The following DTNA variants were observed in gnomAD, a reference collection of about 807,000 sequenced individuals.
The protein encoded by DTNA is dystrobrevin alpha.
DTNA carries 43 observed loss-of-function variants against 100.7 expected under a neutral mutation model. The observed-to-expected ratio is 0.43, with a 90% CI of 0.33 to 0.55. The LOEUF (loss-of-function observed/expected upper bound fraction) is 0.55, where lower values mean the gene tolerates loss of function less well. Ranked by LOEUF, DTNA falls within the 20% of genes least tolerant of loss-of-function variation. DTNA has a pLI of 0.04. For missense variants in DTNA, 798 were observed against 953.9 expected, an observed-to-expected ratio of 0.84 and a Z score of 2.15; for synonymous variants, 349 against 347.9, an observed-to-expected ratio of 1.00 and a Z score of -0.04.
intron 1 of DTNA, among the ~76,000 whole-genome samples, chr18:34,559,522 C>T (rs944125343): frequency 2.0e-5 from 3 of 152,142 alleles, no homozygotes; most frequent in South Asian, 2.1e-4. Context: ...TCTAATACTA[C>T]GAAGAGAACA....
intron 1 of DTNA, among the ~76,000 whole-genome samples, chr18:34,583,754 C>T (rs897449253): frequency 2.0e-5 from 3 of 152,058 alleles, no homozygotes; most frequent in Admixed American, 1.3e-4. Flanking sequence ...GGATTGCTGA[C>T]GCTAAGGGAC....
At chr18:34,620,192 T>C (rs1353628966) in intron 1 of DTNA, among the ~76,000 whole-genome samples, 2 of 152,022 alleles carry the variant, frequency 1.3e-5, no homozygotes, top group East Asian at 1.9e-4. Context: ...GGGTAAAAGG[T>C]GAAAGGGAGA....
chr18:34,671,441 C>T (rs2076745758), intron 1 of DTNA, among the ~76,000 whole-genome samples: 1 of 152,144 alleles, frequency 6.6e-6, no homozygotes, highest in Non-Finnish European at 1.5e-5. Context: ...GAACCCGGTA[C>T]CTCATTTGGA....
At chr18:34,762,727 C>A (rs2093256559) in intron 2 of DTNA, among the ~76,000 whole-genome samples, 1 of 152,176 alleles carries the variant, frequency 6.6e-6, no homozygotes, top group Non-Finnish European at 1.5e-5. Flanking sequence ...CTATATCTGA[C>A]ACACTAAATT....
intron 10 of DTNA, among the ~76,000 whole-genome samples, chr18:34,828,477 C>T (rs981318801): frequency 2.6e-5 from 4 of 152,170 alleles, no homozygotes; most frequent in Non-Finnish European, 5.9e-5. Flanking sequence ...AGTACAGCCT[C>T]ATATTTCACA....
chr18:34,776,931 C>A (rs2094087394), intron 3 of DTNA, among the ~76,000 whole-genome samples: 2 of 152,220 alleles, frequency 1.3e-5, no homozygotes, highest in African/African-American at 4.8e-5. Flanking sequence ...TTAGCACTGG[C>A]TGTTCCCTTC....
intron 1 of DTNA, among the ~76,000 whole-genome samples, chr18:34,732,789 G>A (rs1374001138): frequency 1.3e-5 from 2 of 152,184 alleles, no homozygotes; most frequent in Non-Finnish European, 2.9e-5. Flanking sequence ...TAAATGGTGA[G>A]TATTTTTTAG....
intron 1 of DTNA, among the ~76,000 whole-genome samples, chr18:34,657,200 T>C (rs1312627789): frequency 6.6e-6 from 1 of 152,154 alleles, no homozygotes; most frequent in Non-Finnish European, 1.5e-5. Context: ...TTAATCAACA[T>C]CTTTTTAACC....
rs140412669 is a variant in DTNA, at chr18:34,838,046, G to A, written c.1176-48G>A. The A allele has an allele frequency of 3.9e-5, 60 of 1,545,490 alleles. 1 individual carries two copies. In the East Asian group the frequency reaches 1.2e-3, roughly 31 times the overall value. ...CTGTTGCCAGTTTCTATTCTTGAATGCATTGCCGTGTTTACGCTCTTCTTG... is the reference window on the plus strand; with the variant it reads ...CTGTTGCCAGTTTCTATTCTTGAATACATTGCCGTGTTTACGCTCTTCTTG... On this transcript the variant is annotated intron_variant, in intron 11 of 22. Transcript: ENST00000444659.
At chr18:34,720,139 G>A (rs772584140) in intron 1 of DTNA, among the ~76,000 whole-genome samples, 4 of 152,126 alleles carry the variant, frequency 2.6e-5, no homozygotes, top group Non-Finnish European at 4.4e-5. Flanking sequence ...TGAGGGGGTG[G>A]AAGGGTCACA....
chr18:34,868,533 G>A (rs2096731927), intron 17 of DTNA: 1 of 985,238 alleles, frequency 1.0e-6, no homozygotes, highest in Non-Finnish European at 1.2e-6. Flanking sequence ...TCTCCCCTTT[G>A]GGGACATTGT....
At chr18:34,850,824 CAG>C (rs1287157917) in intron 14 of DTNA, among the ~76,000 whole-genome samples, 2 of 151,996 alleles carry the variant, frequency 1.3e-5, no homozygotes, top group Non-Finnish European at 1.5e-5. Context: ...CATACACAAA[CAG>C]ATATATATAT....
chr18:34,616,628 A>G (rs991424950), intron 1 of DTNA, among the ~76,000 whole-genome samples: 10 of 152,152 alleles, frequency 6.6e-5, no homozygotes. Context: ...TTCTGGTTCC[A>G]TATGAATTTT....
At chr18:34,727,096 G>C (rs968314111) in intron 1 of DTNA, among the ~76,000 whole-genome samples, 3 of 152,188 alleles carry the variant, frequency 2.0e-5, no homozygotes, top group Admixed American at 6.5e-5. Flanking sequence ...AGCCTGAGCT[G>C]TACCTGAAGC....
At chr18:34,665,318 G>C (rs527335488) in intron 1 of DTNA, among the ~76,000 whole-genome samples, 52 of 152,028 alleles carry the variant, frequency 3.4e-4, no homozygotes, top group Admixed American at 7.2e-4. Flanking sequence ...CTAAGAATTT[G>C]TCAATGAAAT....
rs35537934 is a variant in DTNA, at chr18:34,747,104, CTATA to C, written c.-1-8858_-1-8855del. Among the ~76,000 whole-genome samples the C allele has an allele frequency of 4.4e-4, 65 of 148,108 alleles. 1 individual carries two copies. Among genetic ancestry groups the C allele is most frequent in the Middle Eastern group, 3.5e-3 (1 of 288 alleles). On this transcript the variant is annotated intron_variant, in intron 1 of 22. Coordinates refer to ENST00000444659, the MANE Select transcript of DTNA (RefSeq NM_001386795.1). ...CCCATATCTATATCTATATCTGTAT[CTATA>C]TATATATATATATGTTTATGTATAT... is the stretch of plus-strand genomic sequence containing the variant.
intron 1 of DTNA, among the ~76,000 whole-genome samples, chr18:34,726,791 T>C (rs1387920590): frequency 1.3e-5 from 2 of 152,188 alleles, no homozygotes; most frequent in Non-Finnish European, 2.9e-5. Flanking sequence ...TGCCAGTGGC[T>C]CTACCATTTT....
intron 1 of DTNA, among the ~76,000 whole-genome samples, chr18:34,733,560 T>C (rs1009952531): frequency 6.6e-6 from 1 of 152,180 alleles, no homozygotes; most frequent in Non-Finnish European, 1.5e-5. Context: ...CCACTGTATT[T>C]AAATTTTATA....
intron 3 of DTNA, among the ~76,000 whole-genome samples, chr18:34,776,774 A>C (rs187186945): frequency 1.1e-3 from 174 of 152,330 alleles, no homozygotes; most frequent in African/African-American, 3.9e-3. Flanking sequence ...CATAGCCCTG[A>C]CAATGGCCCA....
Sources: allele counts gnomAD v4.1 joint callset (sites outside exome capture counted in the v4.1 genomes callset), GRCh38; gene constraint gnomAD v4.1.1; transcripts MANE v1.5; gene names NCBI Gene and HGNC (gene_info 2026-07-23, HGNC 2026-07-21).